The following EFNA5 variants were observed in gnomAD, a reference collection of about 807,000 sequenced individuals.
EFNA5 encodes ephrin-A5.
Under a neutral mutation model 22.9 loss-of-function variants are expected in EFNA5, and 5 were observed. The ratio of observed to expected loss-of-function variants is 0.22; its 90% CI spans 0.11 to 0.46. The LOEUF (loss-of-function observed/expected upper bound fraction) is 0.46. EFNA5 is among the 20% of genes least tolerant of loss of function. The probability of loss-of-function intolerance (pLI) is 0.99; values close to 1 mark genes in which losing one functional copy is unlikely to be tolerated. For synonymous variants in EFNA5, 113 were observed against 112.2 expected, an observed-to-expected ratio of 1.01 and a Z score of -0.04; for missense variants, 237 against 293.3, an observed-to-expected ratio of 0.81 and a Z score of 1.40.
chr5:107,622,090 G>A (rs958531402), intron 1 of EFNA5, among the ~76,000 whole-genome samples: 1 of 151,846 alleles, frequency 6.6e-6, no homozygotes, highest in African/African-American at 2.4e-5. Context: ...CTGGCAAGTA[G>A]GTGATCAAGT....
chr5:107,541,525 T>C (rs1027600954), intron 1 of EFNA5, among the ~76,000 whole-genome samples: 5 of 152,210 alleles, frequency 3.3e-5, no homozygotes, highest in Admixed American at 6.5e-5. Context: ...AGCACTGATA[T>C]AGTCAGTTTT....
chr5:107,588,400 T>C (rs1017474397), intron 1 of EFNA5, among the ~76,000 whole-genome samples: 2 of 152,188 alleles, frequency 1.3e-5, no homozygotes, highest in Non-Finnish European at 2.9e-5. Flanking sequence ...TCATCCCCTA[T>C]TTATCCTAGT....
chr5:107,657,947 A>C (rs1271721366), intron 1 of EFNA5, among the ~76,000 whole-genome samples: 1 of 152,188 alleles, frequency 6.6e-6, no homozygotes, highest in Admixed American at 6.6e-5. Flanking sequence ...GCTTTGAAAA[A>C]GCAAATAATA....
At chr5:107,383,929 C>A (rs1468386610) in intron 4 of EFNA5, among the ~76,000 whole-genome samples, 1 of 152,172 alleles carries the variant, frequency 6.6e-6, no homozygotes, top group African/African-American at 2.4e-5. Context: ...AAGCACCCAA[C>A]GAATATATAT....
intron 1 of EFNA5, among the ~76,000 whole-genome samples, chr5:107,544,095 C>G (rs939035660): frequency 6.6e-6 from 1 of 152,118 alleles, no homozygotes; most frequent in Non-Finnish European, 1.5e-5. Flanking sequence ...TAATCTAAAC[C>G]TTGTTACTTG....
intron 1 of EFNA5, among the ~76,000 whole-genome samples, chr5:107,480,860 T>C (rs926175713): frequency 6.6e-6 from 1 of 152,068 alleles, no homozygotes; most frequent in Admixed American, 6.6e-5. Context: ...GGTGGGTGAC[T>C]GCCTAGAAAT....
At chr5:107,415,887 C>A (rs1748492351) in intron 2 of EFNA5, among the ~76,000 whole-genome samples, 1 of 152,174 alleles carries the variant, frequency 6.6e-6, no homozygotes, top group Non-Finnish European at 1.5e-5. Flanking sequence ...CAATCCCTGG[C>A]ATGGAGCATC....
chr5:107,633,067 A>G (rs958206561), intron 1 of EFNA5, among the ~76,000 whole-genome samples: 1 of 152,114 alleles, frequency 6.6e-6, no homozygotes, highest in African/African-American at 2.4e-5. Context: ...GAGATATAAC[A>G]AGAGGGAAGT....
intron 1 of EFNA5, among the ~76,000 whole-genome samples, chr5:107,482,050 C>G (rs1212997676): frequency 1.3e-5 from 2 of 152,124 alleles, no homozygotes; most frequent in African/African-American, 4.8e-5. Context: ...TGGCTCATGC[C>G]TATAATCCCA....
chr5:107,418,342 C>A (rs970855884), intron 2 of EFNA5, among the ~76,000 whole-genome samples: 82 of 152,268 alleles, frequency 5.4e-4, no homozygotes, highest in African/African-American at 1.9e-3. Flanking sequence ...ACTCTGAAAC[C>A]AAATTAGTGC....
chr5:107,400,102 A>G lies in EFNA5; in HGVS notation c.419-12331T>C, dbSNP rs188116187. On this transcript the variant is annotated intron_variant, in intron 2 of 4. Coordinates refer to ENST00000333274, the MANE Select transcript of EFNA5 (RefSeq NM_001962.3). ...TAAGTTTTTACAGTCAGACAACTAA[A>G]ATATTTTTAAATGATAGAGAATAAC... Among the ~76,000 whole-genome samples, 628 of 152,298 alleles carry G rather than the reference A, an allele frequency of 4.1e-3. 1 individual carries two copies. The highest frequency in any genetic ancestry group is 6.3e-3 in the Non-Finnish European group (428 of 68,024).
chr5:107,456,224 C>A (rs1357532361), intron 1 of EFNA5, among the ~76,000 whole-genome samples: 1 of 152,064 alleles, frequency 6.6e-6, no homozygotes, highest in African/African-American at 2.4e-5. Flanking sequence ...GTTAATTTAA[C>A]CTAAGCTAAC....
chr5:107,623,941 A>G (rs922553204), intron 1 of EFNA5, among the ~76,000 whole-genome samples: 5 of 152,130 alleles, frequency 3.3e-5, no homozygotes, highest in African/African-American at 1.2e-4. Context: ...AAATGAAACT[A>G]AAGAAAGGTA....
chr5:107,580,801 G>C (rs577011224), intron 1 of EFNA5, among the ~76,000 whole-genome samples: 1 of 151,068 alleles, frequency 6.6e-6, no homozygotes, highest in South Asian at 2.1e-4. Context: ...ATAAGCATGC[G>C]CCCACATTGT....
chr5:107,565,562 A>G (rs140791774), intron 1 of EFNA5, among the ~76,000 whole-genome samples: 18 of 152,296 alleles, frequency 1.2e-4, no homozygotes, highest in African/African-American at 4.3e-4. Context: ...TTATGTTTTC[A>G]TCATTTGCAC....
intron 1 of EFNA5, among the ~76,000 whole-genome samples, chr5:107,561,873 T>C (rs1748552685): frequency 2.0e-5 from 3 of 152,224 alleles, no homozygotes; most frequent in African/African-American, 7.2e-5. Context: ...TTTTTTCATT[T>C]ACCACTTTAG....
At chr5:107,605,154 G>A (rs143778787) in intron 1 of EFNA5, among the ~76,000 whole-genome samples, 1 of 151,734 alleles carries the variant, frequency 6.6e-6, no homozygotes, top group Non-Finnish European at 1.5e-5. Flanking sequence ...GGTGGGGATG[G>A]GGGGGGAAGC....
Position 107,380,649 on chromosome 5 carries a change from T to TAAAA in EFNA5, c.*602_*605dup. On this transcript the variant is annotated 3_prime_UTR_variant, in exon 5 of 5. Transcript: ENST00000333274. Reference sequence around the variant, plus strand: ...CAAGAATGCTTTAAGACAGTCATATTAAAAAAAAAAACCAGTGTCTCAACC... The same window carrying TAAAA: ...CAAGAATGCTTTAAGACAGTCATATTAAAAAAAAAAAAAAACCAGTGTCTCAACC... The TAAAA allele has an allele frequency of 3.1e-6, 1 of 324,196 alleles. No individual in the cohort carries two copies. Among genetic ancestry groups the TAAAA allele is most frequent in the Non-Finnish European group, 5.6e-6 (1 of 180,028 alleles). The allele number at this position is 324,196 out of a possible 1,614,324, so 20.1% of individuals were successfully genotyped here.
Position 107,493,214 on chromosome 5 carries a change from T to G in EFNA5, c.126-65705A>C, listed in dbSNP as rs535634014. On this transcript the variant is annotated intron_variant, in intron 1 of 4. Transcript: ENST00000333274. ...CACCATAGTTGTTTTTTGTTTTTTG[T>G]TTTTTTTTTATCTTTTACAACCAAA... Among the ~76,000 whole-genome samples, 8 of 146,386 alleles carry G rather than the reference T, an allele frequency of 5.5e-5. No homozygotes were observed. In the South Asian group the frequency reaches 1.3e-3, roughly 24 times the overall value.
Sources: gnomAD v4.1 joint callset for allele counts (sites outside exome capture counted in the v4.1 genomes callset) on GRCh38, gnomAD v4.1.1 for gene constraint, MANE v1.5 for transcripts, NCBI Gene and HGNC (gene_info 2026-07-23, HGNC 2026-07-21) for gene names.